PDCD10: variants seen among roughly 807,000 people sequenced by gnomAD.
PDCD10 encodes programmed cell death protein 10.
Under a neutral mutation model 29.2 loss-of-function variants are expected in PDCD10, and 4 were observed. The ratio of observed to expected loss-of-function variants is 0.14; its 90% CI spans 0.07 to 0.31. PDCD10 has a LOEUF of 0.31. Among genes scored for constraint, PDCD10 ranks in the 10% least tolerant of loss-of-function variants. The pLI, the probability that PDCD10 is intolerant of heterozygous loss-of-function variation, is 1.00. For synonymous variants in PDCD10, 70 were observed against 82.2 expected (o/e 0.85, Z 0.80); for missense variants, 183 against 257.9 (o/e 0.71, Z 1.99).
At chr3:167,696,205 T>C (rs1720790375) in intron 5 of PDCD10, among the ~76,000 whole-genome samples, 1 of 152,078 alleles carries the variant, frequency 6.6e-6, no homozygotes, top group African/African-American at 2.4e-5. Flanking sequence ...TCTAATAAAA[T>C]CTTCTACACA....
At chr3:167,698,071 C>T (rs948182353) in intron 4 of PDCD10, 2 of 443,550 alleles carry the variant, frequency 4.5e-6, no homozygotes, top group African/African-American at 2.0e-5. Context: ...ACTTAACCTC[C>T]GCCTCTTCAA....
At chr3:167,705,511 TCTC>T (rs2108440142) in intron 3 of PDCD10, among the ~76,000 whole-genome samples, 1 of 152,260 alleles carries the variant, frequency 6.6e-6, no homozygotes, top group Non-Finnish European at 1.5e-5. Context: ...GCTTCAGAAA[TCTC>T]CTGTATGGGA....
chr3:167,704,608 C>G, intron 4 of PDCD10: 1 of 427,558 alleles, frequency 2.3e-6, no homozygotes, highest in Non-Finnish European at 4.2e-6. Flanking sequence ...AGAGAACACT[C>G]TGAAAAACTC....
chr3:167,713,425 G>C (rs1249497602), intron 3 of PDCD10, among the ~76,000 whole-genome samples: 1 of 151,954 alleles, frequency 6.6e-6, no homozygotes, highest in African/African-American at 2.4e-5. Flanking sequence ...ATGGGATACA[G>C]TGAAAGCAGT....
At chr3:167,713,223 AGT>A (rs1456219588) in intron 3 of PDCD10, among the ~76,000 whole-genome samples, 1 of 152,024 alleles carries the variant, frequency 6.6e-6, no homozygotes, top group Non-Finnish European at 1.5e-5. Context: ...ACATTCAACT[AGT>A]ATCAAACATC....
chr3:167,694,121 C>T (rs926420819), intron 6 of PDCD10, among the ~76,000 whole-genome samples: 1 of 151,392 alleles, frequency 6.6e-6, no homozygotes, highest in Non-Finnish European at 1.5e-5. Flanking sequence ...CCCATTGTAC[C>T]AAAAAATAAC....
At chr3:167,722,309 GC>G (rs1723651093) in intron 2 of PDCD10, among the ~76,000 whole-genome samples, 2 of 152,018 alleles carry the variant, frequency 1.3e-5, no homozygotes, top group Admixed American at 1.3e-4. Context: ...TAAATATAGA[GC>G]AGTGAACAAG....
At position 167,684,268 on chromosome 3, in the gene PDCD10, T is replaced by C; in HGVS notation, c.*40A>G. ...AAATTTACAGATAAAGGCAGTTCAA[T>C]ACTGCCACTGAGAAGTACATCTCTT... On this transcript the variant is annotated 3_prime_UTR_variant, in exon 9 of 9. Coordinates refer to ENST00000392750, the MANE Select transcript of PDCD10 (RefSeq NM_007217.4). The C allele has an allele frequency of 9.2e-7, 1 of 1,084,912 alleles. No individual in the cohort carries two copies. The highest frequency in any genetic ancestry group is 1.4e-6 in the Non-Finnish European group (1 of 697,514). The allele number at this position is 1,084,912 out of a possible 1,614,324, so 67.2% of individuals were successfully genotyped here. A position where few individuals can be genotyped will look rare whatever the true frequency, so the allele number is the denominator to read the frequency against.
At chr3:167,688,742 A>G (rs1239352075) in intron 6 of PDCD10, among the ~76,000 whole-genome samples, 1 of 152,196 alleles carries the variant, frequency 6.6e-6, no homozygotes, top group Non-Finnish European at 1.5e-5. Flanking sequence ...AATGAATAAG[A>G]TGGAAATCTG....
chr3:167,704,888 C>T lies in PDCD10; in HGVS notation c.104G>A (p.Arg35Gln), dbSNP rs201796692. The T allele has an allele frequency of 4.3e-5, 69 of 1,604,186 alleles. 1 individual carries two copies. Among genetic ancestry groups the T allele is most frequent in the South Asian group, 7.7e-5 (7 of 90,788 alleles). Reference sequence around the variant, plus strand: ...TGTCTGGGCTGCAGACAGATTTACTCGTTCTAGCTGCAATAAAAATTTTAA... The same window carrying T: ...TGTCTGGGCTGCAGACAGATTTACTTGTTCTAGCTGCAATAAAAATTTTAA... ...VMYPVFNELE[R>Q]VNLSAAQTLR... Residue 35 changes from arginine to glutamine, a missense_variant, in exon 4 of 9, where the codon CGA becomes CAA. Transcript: ENST00000392750.
intron 4 of PDCD10, among the ~76,000 whole-genome samples, chr3:167,700,144 TATATGTA>T (rs1220695024): frequency 1.3e-5 from 2 of 152,296 alleles, no homozygotes; most frequent in East Asian, 1.9e-4. Flanking sequence ...AGTACACGTG[TATATGTA>T]ATAAGTTTGA....
intron 4 of PDCD10, among the ~76,000 whole-genome samples, chr3:167,698,521 A>G (rs1318857170): frequency 6.6e-6 from 1 of 151,630 alleles, no homozygotes; most frequent in Admixed American, 6.6e-5. Flanking sequence ...ATGATACAGA[A>G]TAAGACCTCG....
chr3:167,718,235 G>C (rs186892025), intron 3 of PDCD10, among the ~76,000 whole-genome samples: 1 of 151,980 alleles, frequency 6.6e-6, no homozygotes. Flanking sequence ...CTGTGTTTCC[G>C]AATAGATTCT....
intron 3 of PDCD10, among the ~76,000 whole-genome samples, chr3:167,718,591 T>A (rs1031504267): frequency 6.6e-6 from 1 of 151,990 alleles, no homozygotes; most frequent in Non-Finnish European, 1.5e-5. Flanking sequence ...AGAATTAAGT[T>A]CTTGACAAAA....
At position 167,720,402 on chromosome 3, in the gene PDCD10, T is replaced by A. The variant is rs566976122; in HGVS notation, c.-116-129A>T. On this transcript the variant is annotated intron_variant, in intron 2 of 8. Transcript: ENST00000392750. ...GCTATTTTTTAATATATTCTACTTG[T>A]GAAAGCAAACCTAGTTGGCAAGAAA... 19 of 444,118 alleles carry A rather than the reference T, an allele frequency of 4.3e-5. No individual in the cohort carries two copies. In the South Asian group the frequency reaches 4.4e-4, roughly 10 times the overall value. 27.5% of individuals were successfully genotyped at this position (444,118 alleles called of 1,614,324 possible). A position where few individuals can be genotyped will look rare whatever the true frequency, so the allele number is the denominator to read the frequency against.
intron 2 of PDCD10, among the ~76,000 whole-genome samples, chr3:167,733,072 T>C (rs1439384480): frequency 6.6e-6 from 1 of 152,232 alleles, no homozygotes; most frequent in African/African-American, 2.4e-5. Flanking sequence ...TCAGGGAAGA[T>C]AATACCTCTG....
At chr3:167,707,839 C>T (rs1344059156) in intron 3 of PDCD10, among the ~76,000 whole-genome samples, 1 of 152,138 alleles carries the variant, frequency 6.6e-6, no homozygotes, top group Non-Finnish European at 1.5e-5. Flanking sequence ...AGAAGCACTG[C>T]TTGGGCCTCA....
chr3:167,734,092 A>C (rs1015907119), intron 2 of PDCD10, 122 bp downstream of exon 2: 1 of 152,204 alleles, frequency 6.6e-6, no homozygotes. Flanking sequence ...CTCGAACCGA[A>C]CTAGATTCAG....
chr3:167,720,416 G>C (rs1001020204), intron 2 of PDCD10, 143 bp from the exon 3 acceptor site: 107 of 424,018 alleles, frequency 2.5e-4, no homozygotes, highest in Non-Finnish European at 3.7e-4. Context: ...AGCAAACCTA[G>C]TTGGCAAGAA....
Sources: allele counts gnomAD v4.1 joint callset (sites outside exome capture counted in the v4.1 genomes callset), GRCh38; gene constraint gnomAD v4.1.1; transcripts MANE v1.5; gene names NCBI Gene and HGNC (gene_info 2026-07-23, HGNC 2026-07-21).